The following THSD7B variants were observed in gnomAD, a reference collection of about 807,000 sequenced individuals.
THSD7B encodes the protein thrombospondin type-1 domain-containing protein 7B.
THSD7B carries 138 observed loss-of-function variants against 213.6 expected under a neutral mutation model. That is an observed-to-expected ratio of 0.65 (90% CI 0.56 to 0.74). The LOEUF (loss-of-function observed/expected upper bound fraction) is 0.74, where lower values mean the gene tolerates loss of function less well. Among genes scored for constraint, THSD7B ranks in the 30% least tolerant of loss-of-function variants. The probability of loss-of-function intolerance (pLI) is 0.00; values close to 1 mark genes in which losing one functional copy is unlikely to be tolerated. For missense variants in THSD7B, 1,931 were observed against 1,991.5 expected (o/e 0.97, Z 0.58); for synonymous variants, 742 against 687.0 (o/e 1.08, Z -1.25).
intron 1 of THSD7B, among the ~76,000 whole-genome samples, chr2:136,805,551 T>G (rs1394854916): frequency 6.6e-6 from 1 of 152,094 alleles, no homozygotes; most frequent in Non-Finnish European, 1.5e-5. Context: ...TTCTCTTGTG[T>G]GTTGAAGAGC....
At chr2:137,288,283 C>G (rs546438960) in intron 12 of THSD7B, among the ~76,000 whole-genome samples, 1 of 152,070 alleles carries the variant, frequency 6.6e-6, no homozygotes, top group African/African-American at 2.4e-5. Flanking sequence ...CTTCTTTATG[C>G]CAACCATGTC....
intron 2 of THSD7B, among the ~76,000 whole-genome samples, chr2:136,883,730 A>G (rs1021047721): frequency 4.6e-5 from 7 of 152,202 alleles, no homozygotes; most frequent in Non-Finnish European, 8.8e-5. Flanking sequence ...AAAGTAGGTC[A>G]TTGGAACAAG....
In THSD7B at chr2:137,233,090, G is replaced by A. The variant is rs774319975; in HGVS notation, c.2107G>A (p.Val703Ile). 1.9e-6 allele frequency: 3 copies of A among 1,613,744 alleles called. No individual in the cohort carries two copies. The highest frequency in any genetic ancestry group is 2.5e-6 in the Non-Finnish European group (3 of 1,179,826). Residue 703 changes from valine (V) to isoleucine (I), a missense_variant, in exon 9 of 28, where the codon GTC becomes ATC. Val to Ile is a conservative substitution (Grantham distance 29). Transcript: ENST00000409968. ...TGGTGTAGGCATTCAGACTCGGAGA[G>A]TCTTCTGTGTCAAGAGTCACGTGGG... ...TCGVGIQTRR[V>I]FCVKSHVGQV... is the part of the protein sequence containing the mutation.
At chr2:136,910,971 C>G (rs75728425) in intron 2 of THSD7B, among the ~76,000 whole-genome samples, 1 of 151,832 alleles carries the variant, frequency 6.6e-6, no homozygotes, top group Non-Finnish European at 1.5e-5. Context: ...ATTCACTAAG[C>G]CTTTATGTAT....
intron 1 of THSD7B, among the ~76,000 whole-genome samples, chr2:136,837,450 A>G (rs1682862403): frequency 6.6e-6 from 1 of 152,146 alleles, no homozygotes; most frequent in South Asian, 2.1e-4. Context: ...CCTCATTCAC[A>G]AATCTGTGCT....
At chr2:137,421,235 G>T (rs1327915132) in intron 14 of THSD7B, among the ~76,000 whole-genome samples, 1 of 152,134 alleles carries the variant, frequency 6.6e-6, no homozygotes, top group Non-Finnish European at 1.5e-5. Context: ...CCCAGCAGCA[G>T]ATACCAGTTG....
Position 137,390,107 on chromosome 2 carries a change from A to G in THSD7B, c.2501-15506A>G, listed in dbSNP as rs577651096. ...AAAAAAACGACATTGGTATTTTGAT[A>G]GGGATTGCACTGAATCAGCAGATTG... On this transcript the variant is annotated intron_variant, in intron 12 of 27. Transcript: ENST00000409968. Among the ~76,000 whole-genome samples, 28 of 152,302 alleles carry G rather than the reference A, an allele frequency of 1.8e-4. 1 individual carries two copies. In the South Asian group the frequency reaches 5.8e-3, roughly 32 times the overall value.
In THSD7B at chr2:137,057,069, A is replaced by C. The variant is rs1370842700; in HGVS notation, c.789A>C (p.Gly263=). The stretch of plus-strand genomic sequence containing the variant: ...ATCTTAAAGAAATTAATCCAAGCGG[A>C]AGAACTGTTCTGGATTTTAACTCTG... ...LPHLKEINPS[G]RTVLDFNSDS... is the part of the protein sequence containing the mutation. The change falls in exon 3 of 28, where the codon GGA becomes GGC. Residue 263 remains glycine (G), a synonymous_variant. Coordinates refer to ENST00000409968, the MANE Select transcript of THSD7B (RefSeq NM_001316349.2). 1 of 1,613,958 alleles carries C rather than the reference A, an allele frequency of 6.2e-7. No individual in the cohort carries two copies. Among genetic ancestry groups the C allele is most frequent in the East Asian group, 2.2e-5 (1 of 44,868 alleles).
intron 12 of THSD7B, among the ~76,000 whole-genome samples, chr2:137,375,397 A>G (rs1685631204): frequency 6.6e-6 from 1 of 152,200 alleles, no homozygotes; most frequent in African/African-American, 2.4e-5. Context: ...AATGAATCTT[A>G]GAGGTTAAAT....
intron 3 of THSD7B, among the ~76,000 whole-genome samples, chr2:137,070,363 A>T (rs1407434876): frequency 6.6e-6 from 1 of 151,754 alleles, no homozygotes; most frequent in Non-Finnish European, 1.5e-5. Context: ...ACACTTGGAC[A>T]TTTAGGTAGT....
At chr2:137,503,942 G>A (rs1382832587) in intron 15 of THSD7B, among the ~76,000 whole-genome samples, 8 of 151,214 alleles carry the variant, frequency 5.3e-5, no homozygotes, top group African/African-American at 1.7e-4. Context: ...CAGGAGAATC[G>A]CTTGAACCTG....
chr2:137,577,975 A>G (rs530617516), intron 17 of THSD7B, among the ~76,000 whole-genome samples: 23 of 152,326 alleles, frequency 1.5e-4, no homozygotes, highest in Admixed American at 1.2e-3. Context: ...ATATCATTGG[A>G]TTTCTTTGGA....
chr2:136,935,730 G>C (rs920463972), intron 2 of THSD7B, among the ~76,000 whole-genome samples: 1 of 152,052 alleles, frequency 6.6e-6, no homozygotes, highest in Admixed American at 6.6e-5. Context: ...GACGAAGTCT[G>C]TCATACTCTG....
intron 2 of THSD7B, among the ~76,000 whole-genome samples, chr2:136,892,748 A>G (rs1683884938): frequency 1.3e-5 from 2 of 151,846 alleles, no homozygotes; most frequent in Admixed American, 1.3e-4. Flanking sequence ...ATTTTAAAGT[A>G]TTCTTCATTT....
intron 12 of THSD7B, among the ~76,000 whole-genome samples, chr2:137,360,811 C>T (rs1685238859): frequency 6.6e-6 from 1 of 152,232 alleles, no homozygotes; most frequent in Admixed American, 6.5e-5. Context: ...GCAGAAACTT[C>T]TGCAGACTTA....
chr2:137,148,110 G>A (rs1223538487), intron 5 of THSD7B, among the ~76,000 whole-genome samples: 6 of 152,068 alleles, frequency 3.9e-5, no homozygotes, highest in Non-Finnish European at 8.8e-5. Context: ...CCATGAGGGT[G>A]GTTACCTCCA....
At chr2:136,944,230 C>T (rs900628163) in intron 2 of THSD7B, among the ~76,000 whole-genome samples, 1 of 152,288 alleles carries the variant, frequency 6.6e-6, no homozygotes, top group Admixed American at 6.5e-5. Context: ...AATTTGATTG[C>T]ACTGTGGTCT....
intron 15 of THSD7B, among the ~76,000 whole-genome samples, chr2:137,503,618 A>G (rs1042091221): frequency 2.6e-5 from 4 of 152,244 alleles, no homozygotes; most frequent in Admixed American, 6.5e-5. Flanking sequence ...CTGCTTTTAC[A>G]TTCCAGATTA....
intron 2 of THSD7B, among the ~76,000 whole-genome samples, chr2:136,894,611 A>T (rs563603896): frequency 1.3e-5 from 2 of 152,148 alleles, no homozygotes; most frequent in Non-Finnish European, 2.9e-5. Context: ...CATATAAAGC[A>T]TGTAACTAAT....
Sources: gnomAD v4.1 joint callset for allele counts (sites outside exome capture counted in the v4.1 genomes callset) on GRCh38, gnomAD v4.1.1 for gene constraint, MANE v1.5 for transcripts, NCBI Gene and HGNC (gene_info 2026-07-23, HGNC 2026-07-21) for gene names.